KCNH8: variants seen among roughly 807,000 people sequenced by gnomAD.
KCNH8 encodes voltage-gated delayed rectifier potassium channel KCNH8.
Under a neutral mutation model 103.6 loss-of-function variants are expected in KCNH8, and 70 were observed. That is an observed-to-expected ratio of 0.68 (90% CI 0.56 to 0.82). The LOEUF (loss-of-function observed/expected upper bound fraction) is 0.82, where lower values mean the gene tolerates loss of function less well. KCNH8 is among the 40% of genes least tolerant of loss of function. The pLI is 0.00. For synonymous variants in KCNH8, 498 were observed against 489.4 expected (o/e 1.02, Z -0.23); for missense variants, 1,217 against 1,329.9 (o/e 0.92, Z 1.32).
At chr3:19,376,860 G>A (rs536989481) in intron 5 of KCNH8, among the ~76,000 whole-genome samples, 1 of 152,276 alleles carries the variant, frequency 6.6e-6, no homozygotes, top group South Asian at 2.1e-4. Flanking sequence ...CTTTTTGGGA[G>A]ACCAATAGTG....
intron 14 of KCNH8, among the ~76,000 whole-genome samples, chr3:19,517,170 T>C (rs937152611): frequency 6.6e-6 from 1 of 151,990 alleles, no homozygotes; most frequent in Non-Finnish European, 1.5e-5. Flanking sequence ...GTCAACTATA[T>C]TTTCTTTATT....
At chr3:19,499,250 A>C (rs1195976074) in intron 11 of KCNH8, among the ~76,000 whole-genome samples, 32 of 152,156 alleles carry the variant, frequency 2.1e-4, no homozygotes, top group Admixed American at 2.1e-3. Context: ...AAAAAGAATA[A>C]AAAGAAACGA....
chr3:19,373,279 G>C (rs1186216605), intron 5 of KCNH8, among the ~76,000 whole-genome samples: 19 of 152,200 alleles, frequency 1.2e-4, no homozygotes, highest in East Asian at 3.9e-4. Flanking sequence ...ATTATTGCCA[G>C]AATTTCAGAT....
At chr3:19,257,018 T>C (rs1200283187) in intron 2 of KCNH8, among the ~76,000 whole-genome samples, 1 of 152,068 alleles carries the variant, frequency 6.6e-6, no homozygotes, top group African/African-American at 2.4e-5. Context: ...TCAAACAGTG[T>C]TCATCAGATG....
chr3:19,169,428 A>C (rs940292902), intron 1 of KCNH8, among the ~76,000 whole-genome samples: 2 of 151,610 alleles, frequency 1.3e-5, no homozygotes, highest in Non-Finnish European at 2.9e-5. Context: ...TTGTATTTTT[A>C]GTAGAGATGG....
intron 3 of KCNH8, among the ~76,000 whole-genome samples, chr3:19,302,838 TTTAA>T (rs548200649): frequency 6.6e-6 from 1 of 152,180 alleles, no homozygotes; most frequent in Non-Finnish European, 1.5e-5. Context: ...CACTACTGAG[TTTAA>T]TTAAAGAATA....
At chr3:19,228,773 T>C (rs184422233) in intron 1 of KCNH8, among the ~76,000 whole-genome samples, 58 of 152,366 alleles carry the variant, frequency 3.8e-4, no homozygotes, top group Non-Finnish European at 6.9e-4. Context: ...TGGAAACTTA[T>C]GAATAAAGCT....
At chr3:19,297,868 A>G (rs2125286898) in intron 3 of KCNH8, among the ~76,000 whole-genome samples, 1 of 152,330 alleles carries the variant, frequency 6.6e-6, no homozygotes, top group South Asian at 2.1e-4. Context: ...ATGCTTATCA[A>G]GCTCTCCAGA....
chr3:19,362,618 C>G (rs995100974), intron 5 of KCNH8, among the ~76,000 whole-genome samples: 1 of 152,088 alleles, frequency 6.6e-6, no homozygotes, highest in Non-Finnish European at 1.5e-5. Context: ...GTGGCATGTT[C>G]AAGGTCATCA....
chr3:19,231,839 T>C (rs115695055), intron 1 of KCNH8, among the ~76,000 whole-genome samples: 1 of 152,204 alleles, frequency 6.6e-6, no homozygotes, highest in Admixed American at 6.5e-5. Flanking sequence ...CAAAGGAGCT[T>C]GTCTTCATTT....
At chr3:19,440,105 A>G (rs2067259767) in intron 8 of KCNH8, among the ~76,000 whole-genome samples, 1 of 152,324 alleles carries the variant, frequency 6.6e-6, no homozygotes, top group South Asian at 2.1e-4. Flanking sequence ...GAACCAACAT[A>G]TGTATATTGC....
In KCNH8 at chr3:19,211,067, A is replaced by G. The variant is rs531753997; in HGVS notation, c.77-42587A>G. Among the ~76,000 whole-genome samples, 4 of 152,298 alleles carry G rather than the reference A, an allele frequency of 2.6e-5. No individual in the cohort carries two copies. The South Asian group carries it at 8.3e-4, about 32-fold the overall frequency. ...ATAAATACATGATGTCCCATTGACC[A>G]CATATTTTCATTAGTTTTCTACATA... On this transcript the variant is annotated intron_variant, in intron 1 of 15. Transcript: ENST00000328405.
chr3:19,215,532 G>A (rs2063809974), intron 1 of KCNH8, among the ~76,000 whole-genome samples: 1 of 152,190 alleles, frequency 6.6e-6, no homozygotes, highest in Non-Finnish European at 1.5e-5. Flanking sequence ...CAAGTCAACA[G>A]GTCTTGGATC....
intron 4 of KCNH8, among the ~76,000 whole-genome samples, chr3:19,346,291 C>G (rs2065727285): frequency 6.6e-6 from 1 of 152,052 alleles, no homozygotes; most frequent in African/African-American, 2.4e-5. Flanking sequence ...CTCCCCTTCT[C>G]TGTTTTATGC....
chr3:19,253,381 C>T (rs930952748), intron 1 of KCNH8, among the ~76,000 whole-genome samples: 2 of 151,912 alleles, frequency 1.3e-5, no homozygotes, highest in Non-Finnish European at 2.9e-5. Context: ...TCCCTTACTG[C>T]CAACTAGATG....
rs559532206 is a variant in KCNH8, at chr3:19,535,454, A to G, written c.*1355A>G. 1 of 152,290 alleles carries G rather than the reference A, an allele frequency of 6.6e-6. No individual in the cohort carries two copies. Among genetic ancestry groups the G allele is most frequent in the Admixed American group, 6.5e-5 (1 of 15,288 alleles). The allele number at this position is 152,290 out of a possible 1,614,324, so 9.4% of individuals were successfully genotyped here. On this transcript the variant is annotated 3_prime_UTR_variant, in exon 16 of 16. Coordinates refer to ENST00000328405, the MANE Select transcript of KCNH8 (RefSeq NM_144633.3). ...CCCTACATCTCACACTAACAGGCAA[A>G]TTCAGATGCTGGGATTGGCAATGAT...
At chr3:19,285,341 CTTTCCACTAAA>C (rs1359500910) in intron 3 of KCNH8, among the ~76,000 whole-genome samples, 1 of 152,046 alleles carries the variant, frequency 6.6e-6, no homozygotes, top group Admixed American at 6.6e-5. Flanking sequence ...AGCTTAAATC[CTTTCCACTAAA>C]TTTTGGCTGT....
At chr3:19,201,218 C>G (rs977660332) in intron 1 of KCNH8, among the ~76,000 whole-genome samples, 22 of 77,596 alleles carry the variant, frequency 2.8e-4, no homozygotes, top group African/African-American at 1.1e-3. Context: ...GGTGAAGTAG[C>G]AAGACTCTGC....
intron 7 of KCNH8, among the ~76,000 whole-genome samples, chr3:19,432,878 G>GT (rs1254776573): frequency 6.6e-6 from 1 of 152,170 alleles, no homozygotes; most frequent in East Asian, 1.9e-4. Context: ...GCATTTGGAA[G>GT]TGCCCCAGTT....
Sources: gnomAD v4.1 joint callset for allele counts (sites outside exome capture counted in the v4.1 genomes callset) on GRCh38, gnomAD v4.1.1 for gene constraint, MANE v1.5 for transcripts, NCBI Gene and HGNC (gene_info 2026-07-23, HGNC 2026-07-21) for gene names.